The following OR2L13 variants were observed in gnomAD, a reference collection of about 807,000 sequenced individuals.
The protein encoded by OR2L13 is olfactory receptor family 2 subfamily L member 13, also known as olfactory receptor 2L13.
A neutral mutation model predicts 15.3 loss-of-function variants in OR2L13; 14 were observed. The observed-to-expected ratio is 0.91, with a 90% CI of 0.60 to 1.43. OR2L13 has a LOEUF of 1.43. Among genes scored for constraint, OR2L13 ranks in the 40% most tolerant of loss-of-function variants. The probability of loss-of-function intolerance (pLI) is 0.00; values close to 1 mark genes in which losing one functional copy is unlikely to be tolerated. For synonymous variants in OR2L13, 152 were observed against 142.9 expected, an observed-to-expected ratio of 1.06 and a Z score of -0.45; for missense variants, 367 against 387.9, an observed-to-expected ratio of 0.95 and a Z score of 0.45.
At chr1:248,098,618 A>T (rs537642547) in intron 1 of OR2L13, 33 bp from the exon 2 acceptor site, 1 of 152,326 alleles carries the variant, frequency 6.6e-6, no homozygotes, top group South Asian at 2.1e-4. Flanking sequence ...AAATGTGAAT[A>T]ATTGCAACAA....
the OR2L13 span, among the ~76,000 whole-genome samples, chr1:247,945,606 C>A: frequency 6.6e-6 from 1 of 152,102 alleles, no homozygotes; most frequent in African/African-American, 2.4e-5. Flanking sequence ...ATTAAAGTCT[C>A]CCGCTATTAT....
the OR2L13 span, among the ~76,000 whole-genome samples, chr1:247,965,046 G>A: frequency 5.3e-5 from 8 of 150,122 alleles, no homozygotes; most frequent in Non-Finnish European, 8.9e-5. Context: ...ATTACTATAT[G>A]TAAGTATATT....
chr1:248,060,808 T>C, the OR2L13 span: 1 of 1,613,948 alleles, frequency 6.2e-7, no homozygotes, highest in Non-Finnish European at 8.5e-7. Flanking sequence ...TGGAAACCTA[T>C]CCATGATTCT....
At chr1:247,963,896 A>G in the OR2L13 span, among the ~76,000 whole-genome samples, 1,037 of 152,298 alleles carry the variant, frequency 6.8e-3, 15 homozygotes, top group African/African-American at 0.023. Context: ...AAACACATAC[A>G]CACACATAGC....
At chr1:248,080,764 G>T in the OR2L13 span, among the ~76,000 whole-genome samples, 2 of 151,806 alleles carry the variant, frequency 1.3e-5, no homozygotes, top group East Asian at 3.9e-4. Flanking sequence ...TAGTAGAATG[G>T]TTTCTAATCC....
At chr1:247,946,953 C>A in the OR2L13 span, among the ~76,000 whole-genome samples, 1 of 152,032 alleles carries the variant, frequency 6.6e-6, no homozygotes, top group South Asian at 2.1e-4. Flanking sequence ...TTTGCTATAT[C>A]CCTTTCTAGG....
At chr1:248,089,404 C>G in the OR2L13 span, among the ~76,000 whole-genome samples, 1 of 152,032 alleles carries the variant, frequency 6.6e-6, no homozygotes, top group African/African-American at 2.4e-5. Context: ...TGGTAATTAA[C>G]TCAATCTCCA....
At chr1:248,056,400 G>T in the OR2L13 span, among the ~76,000 whole-genome samples, 1 of 151,888 alleles carries the variant, frequency 6.6e-6, no homozygotes, top group Non-Finnish European at 1.5e-5. Context: ...GCTAGTTCTG[G>T]GGTTTGTTTG....
the OR2L13 span, chr1:248,030,364 C>T: frequency 6.6e-6 from 1 of 152,128 alleles, no homozygotes; most frequent in Non-Finnish European, 1.5e-5. Context: ...ACTGTACTTT[C>T]TCTAACACCA....
At chr1:248,066,832 T>G in the OR2L13 span, among the ~76,000 whole-genome samples, 1 of 152,226 alleles carries the variant, frequency 6.6e-6, no homozygotes, top group South Asian at 2.1e-4. Flanking sequence ...AGCTGTCTGG[T>G]GAAGCTAGCA....
chr1:247,957,153 AAC>A, the OR2L13 span, among the ~76,000 whole-genome samples: 48 of 151,776 alleles, frequency 3.2e-4, no homozygotes, highest in Middle Eastern at 3.4e-3. Context: ...TTTTAGCATG[AAC>A]GTTGTTGAAT....
the OR2L13 span, chr1:247,948,983 G>A: frequency 2.5e-6 from 4 of 1,613,686 alleles, no homozygotes; most frequent in African/African-American, 2.7e-5. Flanking sequence ...TTGGAAACCT[G>A]TCCATGATTC....
chr1:248,024,615 T>C, the OR2L13 span, among the ~76,000 whole-genome samples: 1 of 152,178 alleles, frequency 6.6e-6, no homozygotes, highest in East Asian at 1.9e-4. Flanking sequence ...AGTTTCAGCT[T>C]TCTACATATG....
At chr1:248,073,348 T>A in the OR2L13 span, among the ~76,000 whole-genome samples, 1 of 152,062 alleles carries the variant, frequency 6.6e-6, no homozygotes, top group Non-Finnish European at 1.5e-5. Flanking sequence ...AAATTGGAAA[T>A]CATCTTTCTC....
chr1:247,963,872 T>C, the OR2L13 span, among the ~76,000 whole-genome samples: 2 of 152,296 alleles, frequency 1.3e-5, no homozygotes, highest in Non-Finnish European at 2.9e-5. Context: ...TTAATGTTGT[T>C]ATGGTAAAAT....
the OR2L13 span, chr1:248,022,542 T>G: frequency 1.9e-6 from 3 of 1,614,122 alleles, no homozygotes; most frequent in Admixed American, 5.0e-5. Flanking sequence ...GTACACAGTG[T>G]TTTTGAGCAG....
chr1:247,975,192 T>A, the OR2L13 span: 1 of 396,860 alleles, frequency 2.5e-6, no homozygotes, highest in Admixed American at 3.3e-5. Flanking sequence ...GATAATGGGC[T>A]CTATCGACAC....
the OR2L13 span, among the ~76,000 whole-genome samples, chr1:248,063,853 G>A: frequency 1.3e-5 from 2 of 152,328 alleles, no homozygotes; most frequent in South Asian, 2.1e-4. Flanking sequence ...ATTGCCCCAC[G>A]TGGGTGTTGC....
chr1:247,957,584 G>C, the OR2L13 span, among the ~76,000 whole-genome samples: 1 of 151,892 alleles, frequency 6.6e-6, no homozygotes, highest in African/African-American at 2.4e-5. Context: ...GACTTTTTTT[G>C]GTTGGTAAGA....
Sources: allele counts gnomAD v4.1 joint callset (sites outside exome capture counted in the v4.1 genomes callset), GRCh38; gene constraint gnomAD v4.1.1; transcripts MANE v1.5; gene names NCBI Gene and HGNC (gene_info 2026-07-23, HGNC 2026-07-21).